MDGA2: variants seen among roughly 807,000 people sequenced by gnomAD.
MDGA2 encodes the protein MAM domain containing glycosylphosphatidylinositol anchor 2, also known as MAM domain-containing glycosylphosphatidylinositol anchor protein 2.
MDGA2 carries 40 observed loss-of-function variants against 117.8 expected under a neutral mutation model. That is an observed-to-expected ratio of 0.34 (90% CI 0.26 to 0.44). The LOEUF is 0.44. Among genes scored for constraint, MDGA2 ranks in the 20% least tolerant of loss-of-function variants. The pLI, the probability that MDGA2 is intolerant of heterozygous loss-of-function variation, is 1.00. For missense variants in MDGA2, 1,123 were observed against 1,250.6 expected (o/e 0.90, Z 1.54); for synonymous variants, 452 against 439.0 (o/e 1.03, Z -0.37).
chr14:46,842,313 AG>A (rs1415398530), intron 16 of MDGA2, among the ~76,000 whole-genome samples: 1 of 152,160 alleles, frequency 6.6e-6, no homozygotes, highest in East Asian at 1.9e-4. Context: ...CTCAATCTTA[AG>A]AGTTCTGCTA....
chr14:46,845,637 C>T lies in MDGA2; in HGVS notation c.2989+129G>A, dbSNP rs1194729801. ...TAACTGAACAAACTTTAGGGTATTA[C>T]ATATAAGAAATTTCTAAATAAACCA... is the stretch of plus-strand genomic sequence containing the variant. On this transcript the variant is annotated intron_variant, in intron 16 of 16. Coordinates refer to ENST00000399232, the MANE Select transcript of MDGA2 (RefSeq NM_001113498.3). 7.0e-6 allele frequency: 4 copies of T among 567,966 alleles called. No homozygotes were observed. In the South Asian group the frequency reaches 9.0e-5, roughly 13 times the overall value. 35.2% of individuals were successfully genotyped at this position (567,966 alleles called of 1,614,324 possible). A position where few individuals can be genotyped will look rare whatever the true frequency, so the allele number is the denominator to read the frequency against.
intron 10 of MDGA2, among the ~76,000 whole-genome samples, chr14:46,901,915 A>C (rs946271498): frequency 2.0e-5 from 3 of 152,152 alleles, no homozygotes; most frequent in Admixed American, 1.3e-4. Flanking sequence ...TTAATTATTC[A>C]TCATCATGAG....
intron 1 of MDGA2, among the ~76,000 whole-genome samples, chr14:47,601,032 T>C (rs1171119758): frequency 6.6e-6 from 1 of 152,238 alleles, no homozygotes; most frequent in Admixed American, 6.5e-5. Flanking sequence ...AAGTATGTTT[T>C]CAGAAGTTTT....
At chr14:47,074,553 C>T (rs1340734456) in intron 6 of MDGA2, among the ~76,000 whole-genome samples, 1 of 152,140 alleles carries the variant, frequency 6.6e-6, no homozygotes, top group East Asian at 1.9e-4. Context: ...GCCCGCTTCG[C>T]CCTCCCAGAG....
At position 47,301,508 on chromosome 14, in the gene MDGA2, T is replaced by A. The variant is rs1338763823; in HGVS notation, c.323A>T (p.Asn108Ile). 6.4e-7 allele frequency: 1 copy of A among 1,551,572 alleles called. No individual in the cohort carries two copies. The highest frequency in any genetic ancestry group is 8.7e-7 in the Non-Finnish European group (1 of 1,146,986). ...VRIVHSGLAC[N>I]IEEERYSERV... ...TTCGGAGTAGCGCTCCTCTTCAATG[T>A]TACAGGCCAAGCCTGAGTGCACAAT... The change falls in exon 2 of 17, where the codon AAC (asparagine) becomes ATC (isoleucine). Residue 108 changes from asparagine to isoleucine, a missense_variant. Asn to Ile is a moderately radical substitution (Grantham distance 149). Coordinates refer to ENST00000399232, the MANE Select transcript of MDGA2 (RefSeq NM_001113498.3).
intron 6 of MDGA2, among the ~76,000 whole-genome samples, chr14:47,066,126 T>C (rs1248673650): frequency 6.6e-6 from 1 of 152,192 alleles, no homozygotes; most frequent in Non-Finnish European, 1.5e-5. Context: ...AACGATAGTA[T>C]GTATAATCTG....
At chr14:47,601,115 T>G (rs1223686299) in intron 1 of MDGA2, among the ~76,000 whole-genome samples, 7 of 152,160 alleles carry the variant, frequency 4.6e-5, no homozygotes, top group Non-Finnish European at 8.8e-5. Flanking sequence ...TTAACAAATA[T>G]TTTTGAGCAC....
intron 1 of MDGA2, among the ~76,000 whole-genome samples, chr14:47,325,349 T>C (rs1434987845): frequency 6.6e-6 from 1 of 152,152 alleles, no homozygotes; most frequent in Non-Finnish European, 1.5e-5. Context: ...GGAGACACCA[T>C]AGGCATGTAG....
chr14:46,957,240 A>T, intron 9 of MDGA2, 134 bp downstream of exon 9: 2 of 827,032 alleles, frequency 2.4e-6, no homozygotes, highest in Non-Finnish European at 3.6e-6. Context: ...ATTTGTAGAA[A>T]CTCTAACTTG....
At chr14:46,924,673 G>A (rs1884259344) in intron 9 of MDGA2, among the ~76,000 whole-genome samples, 1 of 151,628 alleles carries the variant, frequency 6.6e-6, no homozygotes, top group South Asian at 2.1e-4. Flanking sequence ...TTATCAGATT[G>A]CACAATCTCA....
intron 1 of MDGA2, among the ~76,000 whole-genome samples, chr14:47,452,180 T>TC (rs1168350341): frequency 6.6e-5 from 10 of 151,904 alleles, no homozygotes; most frequent in East Asian, 3.9e-4. Context: ...CTCAGTGCCC[T>TC]CCCCCACCAC....
At chr14:47,248,754 T>A (rs913414688) in intron 2 of MDGA2, among the ~76,000 whole-genome samples, 2 of 152,082 alleles carry the variant, frequency 1.3e-5, no homozygotes, top group African/African-American at 4.8e-5. Flanking sequence ...AGCAACGGAG[T>A]ATTAGGTTTA....
intron 8 of MDGA2, among the ~76,000 whole-genome samples, chr14:46,991,232 A>G: frequency 6.6e-6 from 1 of 152,186 alleles, no homozygotes; most frequent in East Asian, 1.9e-4. Context: ...AAGTGAAGAC[A>G]TCCTCTGCCT....
chr14:47,141,233 T>C (rs1463920584), intron 4 of MDGA2, among the ~76,000 whole-genome samples: 1 of 152,162 alleles, frequency 6.6e-6, no homozygotes, highest in Admixed American at 6.5e-5. Context: ...GAAAACAGTA[T>C]AGAGGTTCCT....
intron 7 of MDGA2, among the ~76,000 whole-genome samples, chr14:47,056,908 T>C (rs1377329433): frequency 6.6e-6 from 1 of 152,146 alleles, no homozygotes; most frequent in Non-Finnish European, 1.5e-5. Flanking sequence ...TTTTGTAAAA[T>C]TGAATTATAG....
At chr14:46,915,361 T>C (rs560425461) in intron 10 of MDGA2, among the ~76,000 whole-genome samples, 3 of 152,256 alleles carry the variant, frequency 2.0e-5, no homozygotes, top group South Asian at 4.1e-4. Context: ...CTCGAGGTGA[T>C]GGATACCCTA....
chr14:47,622,265 T>C (rs1897063160), intron 1 of MDGA2, among the ~76,000 whole-genome samples: 1 of 152,170 alleles, frequency 6.6e-6, no homozygotes, highest in African/African-American at 2.4e-5. Flanking sequence ...ATGAATGACA[T>C]CACTATTTTT....
At chr14:46,861,621 GATAAGAAAAAGAC>G (rs1881511212) in intron 14 of MDGA2, among the ~76,000 whole-genome samples, 1 of 151,796 alleles carries the variant, frequency 6.6e-6, no homozygotes, top group African/African-American at 2.4e-5. Context: ...TTACTTGTTT[GATAAGAAAAAGAC>G]ACAAGAACTA....
At chr14:47,033,132 G>A (rs935290336) in intron 8 of MDGA2, among the ~76,000 whole-genome samples, 1 of 152,114 alleles carries the variant, frequency 6.6e-6, no homozygotes, top group Admixed American at 6.5e-5. Context: ...TCCTATTATA[G>A]AGTTGAATTT....
Sources: gnomAD v4.1 joint callset for allele counts (sites outside exome capture counted in the v4.1 genomes callset) on GRCh38, gnomAD v4.1.1 for gene constraint, MANE v1.5 for transcripts, NCBI Gene and HGNC (gene_info 2026-07-23, HGNC 2026-07-21) for gene names.